Variants in WDR1 observed in about 807,000 individuals in gnomAD.
The protein encoded by WDR1 is WD repeat domain 1.
A neutral mutation model predicts 71.9 loss-of-function variants in WDR1; 21 were observed. The observed-to-expected ratio is 0.29, with a 90% CI of 0.21 to 0.42. WDR1 has a LOEUF of 0.42. Among genes scored for constraint, WDR1 ranks in the 10% least tolerant of loss-of-function variants. WDR1 has a pLI of 1.00. For synonymous variants in WDR1, 424 were observed against 347.4 expected (o/e 1.22, Z -2.45); for missense variants, 696 against 824.5 (o/e 0.84, Z 1.91).
chr4:10,103,447 G>A (rs1294372410), intron 3 of WDR1, among the ~76,000 whole-genome samples: 1 of 152,166 alleles, frequency 6.6e-6, no homozygotes, highest in African/African-American at 2.4e-5. Flanking sequence ...ACTAGAAAGT[G>A]TCCTTTCTGT....
chr4:10,078,070 T>G, intron 12 of WDR1, 144 bp from the exon 13 acceptor site: 1 of 1,079,160 alleles, frequency 9.3e-7, no homozygotes, highest in Non-Finnish European at 1.3e-6. Flanking sequence ...GAGCTGGGCA[T>G]GGCTCTTCCC....
Position 10,097,848 on chromosome 4 carries a change from C to T in WDR1, c.421G>A (p.Glu141Lys), listed in dbSNP as rs763179049. The T allele has an allele frequency of 5.0e-6, 8 of 1,611,394 alleles. No individual in the cohort carries two copies. The highest frequency in any genetic ancestry group is 4.5e-5 in the East Asian group (2 of 44,762). Residue 141 changes from glutamate (E) to lysine (K), a missense_variant, in exon 5 of 15, where the codon GAG becomes AAG. By Grantham distance (56) the Glu-to-Lys change is moderately conservative. Transcript: ENST00000499869. ...ATGACTTTGTTGTGTCCTGTAATCT[C>T]GCCCACAGAAGAGCCACTATCCCAG... ...FLWDSGSSVG[E>K]ITGHNKVINS...
intron 14 of WDR1, 90 bp from the exon 15 acceptor site, chr4:10,075,574 A>C (rs1276305104): frequency 8.2e-7 from 1 of 1,216,138 alleles, no homozygotes; most frequent in Non-Finnish European, 1.2e-6. Context: ...ACCTGTGCCT[A>C]AATCATCTCC....
In WDR1 at chr4:10,110,382, C is replaced by T. The variant is rs560227632; in HGVS notation, c.138+5731G>A. On this transcript the variant is annotated intron_variant, in intron 2 of 14. Transcript: ENST00000499869. Reference sequence around the variant, plus strand: ...CAAGGCCATCTCTCCAGTAGTCTTACGCATGAGGCTAAACCTCTTCTCTTA... The same window carrying T: ...CAAGGCCATCTCTCCAGTAGTCTTATGCATGAGGCTAAACCTCTTCTCTTA... Among the ~76,000 whole-genome samples, 88 of 152,344 alleles carry T rather than the reference C, an allele frequency of 5.8e-4. 1 individual carries two copies. The highest frequency in any genetic ancestry group is 2.1e-3 in the African/African-American group (88 of 41,574).
intron 3 of WDR1, 24 bp from the exon 4 acceptor site, chr4:10,099,163 AGGGGG>A: frequency 1.7e-5 from 3 of 180,464 alleles, no homozygotes; most frequent in African/African-American, 1.5e-4. Context: ...CGGGCGGGGG[AGGGGG>A]GGAGGCGGTG....
At chr4:10,116,305 G>T in intron 1 of WDR1, 71 bp from the exon 2 acceptor site, 1 of 1,600,102 alleles carries the variant, frequency 6.2e-7, no homozygotes, top group East Asian at 2.2e-5. Context: ...GGGAGAAGGA[G>T]CCCCGGACCG....
At chr4:10,091,076 C>T (rs1236151144) in intron 5 of WDR1, among the ~76,000 whole-genome samples, 1 of 152,248 alleles carries the variant, frequency 6.6e-6, no homozygotes, top group Non-Finnish European at 1.5e-5. Flanking sequence ...AAGGCTTGGC[C>T]AGGCAAGGCA....
intron 8 of WDR1, 30 bp downstream of exon 8, chr4:10,087,677 G>A (rs749023822): frequency 9.7e-6 from 15 of 1,544,854 alleles, no homozygotes; most frequent in East Asian, 9.5e-5. Flanking sequence ...TCCACCCAGC[G>A]GGCAGAGCCT....
intron 14 of WDR1, 116 bp downstream of exon 14, chr4:10,077,188 T>C: frequency 1.5e-6 from 2 of 1,375,752 alleles, no homozygotes; most frequent in East Asian, 2.5e-5. Flanking sequence ...GCCACCTGTC[T>C]AGAAGCACAG....
In WDR1 at chr4:10,084,446, T is replaced by C. The variant is rs752943550; in HGVS notation, c.1036A>G (p.Ile346Val). ...AGCTCTTTGAGTCAAAGGATATTAA[T>C]GTGTCCGTCGTGGCTCCCAGAGTAA... The part of the protein sequence containing the change: ...YIYSGSHDGH[I>V]NYWDSETGEN... The change falls in exon 9 of 15, where the codon ATT (isoleucine) becomes GTT (valine). Residue 346 changes from isoleucine to valine, a missense_variant. Physicochemically the swap from Ile to Val is conservative, Grantham distance 29. Coordinates refer to ENST00000499869, the MANE Select transcript of WDR1 (RefSeq NM_017491.5). 2 of 1,613,636 alleles carry C rather than the reference T, an allele frequency of 1.2e-6. No individual in the cohort carries two copies. Among genetic ancestry groups the C allele is most frequent in the South Asian group, 1.1e-5 (1 of 91,028 alleles).
At chr4:10,078,807 C>T in intron 12 of WDR1, 84 bp downstream of exon 12, 1 of 1,209,498 alleles carries the variant, frequency 8.3e-7, no homozygotes, top group Non-Finnish European at 1.2e-6. Context: ...CCTGAGACAG[C>T]CCCGGTACTC....
rs573178137 is a variant in WDR1, at chr4:10,094,337, C to T, written c.558+3374G>A. Among the ~76,000 whole-genome samples, 12 of 152,320 alleles carry T rather than the reference C, an allele frequency of 7.9e-5. No individual in the cohort carries two copies. The South Asian group carries it at 1.7e-3, about 21-fold the overall frequency. On this transcript the variant is annotated intron_variant, in intron 5 of 14. Transcript: ENST00000499869. ...TAGACCACCAAACCAACTGCTCACC[C>T]GACCGGAGGAAGCGGATGGCCAGAG...
Position 10,087,854 on chromosome 4 carries a change from C to G in WDR1, c.804G>C (p.Val268=). The G allele has an allele frequency of 6.4e-7, 1 of 1,572,260 alleles. No individual in the cohort carries two copies. Among genetic ancestry groups the G allele is most frequent in the Non-Finnish European group, 8.6e-7 (1 of 1,157,946 alleles). The change falls in exon 8 of 15, where the codon GTG becomes GTC. Residue 268 remains valine, a synonymous_variant. Coordinates refer to ENST00000499869, the MANE Select transcript of WDR1 (RefSeq NM_017491.5). ...SKIWDVSVNS[V]VSTFPMGSTV... ...TGGAGCCCATGGGAAATGTGCTGACCACGGAGTTCACGCTGACGTCCCAAA... is the reference window on the plus strand; with the variant it reads ...TGGAGCCCATGGGAAATGTGCTGACGACGGAGTTCACGCTGACGTCCCAAA...
In WDR1 at chr4:10,106,510, C is replaced by T. The variant is rs1713025468; in HGVS notation, c.139-2524G>A. On this transcript the variant is annotated intron_variant, in intron 2 of 14. Coordinates refer to ENST00000499869, the MANE Select transcript of WDR1 (RefSeq NM_017491.5). ...CGCCAGACAGATGGCCTCGTGGGCT[C>T]TCCCAGCCTGGACGACCTCCTCCCC... The T allele has an allele frequency of 2.0e-5, 3 of 152,286 alleles. No homozygotes were observed. The South Asian group carries it at 6.2e-4, about 31-fold the overall frequency. 9.4% of individuals were successfully genotyped at this position (152,286 alleles called of 1,614,324 possible).
chr4:10,104,110 G>T (rs1712878211), intron 2 of WDR1, 124 bp from the exon 3 acceptor site: 1 of 995,680 alleles, frequency 1.0e-6, no homozygotes, highest in Non-Finnish European at 1.5e-6. Context: ...AAACCGTGAA[G>T]AAAACCGCAG....
intron 9 of WDR1, 78 bp downstream of exon 9, chr4:10,084,365 G>T: frequency 7.2e-7 from 1 of 1,383,094 alleles, no homozygotes; most frequent in Non-Finnish European, 1.0e-6. Flanking sequence ...GGCTGGCCTG[G>T]CCTCTGGCAT....
intron 2 of WDR1, among the ~76,000 whole-genome samples, chr4:10,112,039 C>G (rs1469028011): frequency 1.3e-5 from 2 of 151,946 alleles, no homozygotes; most frequent in Admixed American, 6.5e-5. Flanking sequence ...AAGAGGGCCT[C>G]TGTTGTGAGG....
intron 11 of WDR1, among the ~76,000 whole-genome samples, chr4:10,079,367 A>G (rs11723559): frequency 1 from 152,163 of 152,396 alleles, 75,966 homozygotes; most frequent in East Asian, 1. Flanking sequence ...GACAGCCCCT[A>G]GGCACGTGCC....
intron 4 of WDR1, 67 bp downstream of exon 4, chr4:10,098,925 G>A: frequency 1.2e-6 from 2 of 1,600,558 alleles, no homozygotes; most frequent in Non-Finnish European, 1.7e-6. Flanking sequence ...CCCCCTCCCA[G>A]GGTCATAGCA....
Sources: allele counts gnomAD v4.1 joint callset (sites outside exome capture counted in the v4.1 genomes callset), GRCh38; gene constraint gnomAD v4.1.1; transcripts MANE v1.5; gene names NCBI Gene and HGNC (gene_info 2026-07-23, HGNC 2026-07-21).